Variants in ZFR2 observed in about 807,000 individuals in gnomAD.
ZFR2 encodes zinc finger RNA binding protein 2, also known as zinc finger RNA-binding protein 2.
In ZFR2, 104 loss-of-function variants were observed where a neutral mutation model predicts 105.7. The ratio of observed to expected loss-of-function variants is 0.98; its 90% confidence interval spans 0.84 to 1.16. The LOEUF (loss-of-function observed/expected upper bound fraction) is 1.16, where lower values mean the gene tolerates loss of function less well. Ranked by LOEUF, ZFR2 falls within the 50% of genes most tolerant of loss-of-function variation. The pLI is 0.00. For synonymous variants in ZFR2, 634 were observed against 597.7 expected, an observed-to-expected ratio of 1.06 and a Z score of -0.89; for missense variants, 1,425 against 1,355.5, an observed-to-expected ratio of 1.05 and a Z score of -0.80.
intron 16 of ZFR2, 108 bp from the exon 17 acceptor site, chr19:3,809,091 C>G: frequency 1.3e-6 from 1 of 793,516 alleles, no homozygotes. Flanking sequence ...AGCTCTTTCT[C>G]TAACTCCCAC....
intron 3 of ZFR2, among the ~76,000 whole-genome samples, chr19:3,832,790 C>T (rs199931111): frequency 6.6e-6 from 1 of 151,994 alleles, no homozygotes; most frequent in East Asian, 1.9e-4. Flanking sequence ...TGCACACCAC[C>T]ATGCCTGGCT....
intron 6 of ZFR2, among the ~76,000 whole-genome samples, chr19:3,826,007 A>G (rs903380228): frequency 6.6e-6 from 1 of 152,036 alleles, no homozygotes; most frequent in African/African-American, 2.4e-5. Context: ...GTACCCTGGT[A>G]CAAGACCTGC....
In ZFR2 at chr19:3,810,819, G is replaced by A. The variant is rs937215541; in HGVS notation, c.2364C>T (p.Cys788=). 8.4e-6 allele frequency: 13 copies of A among 1,550,280 alleles called. No individual in the cohort carries two copies. The highest frequency in any genetic ancestry group is 1.7e-4 in the Middle Eastern group (1 of 6,008). The part of the protein sequence containing the change: ...FQARASGLQP[C]VIVIRVLRDL... The stretch of plus-strand genomic sequence containing the variant: ...CCCTCAGGACCCTGATGACGATCAC[G>A]CATGGCTGCAGGCCGCTGGCTCGAG... The change falls in exon 16 of 19, where the codon TGC becomes TGT. Residue 788 remains cysteine, a synonymous_variant. Transcript: ENST00000262961.
intron 1 of ZFR2, chr19:3,855,587 G>T: frequency 1.8e-6 from 1 of 560,180 alleles, no homozygotes; most frequent in Non-Finnish European, 2.7e-6. Context: ...GAGACACGGG[G>T]TCAGCAAAAT....
intron 18 of ZFR2, 101 bp from the exon 19 acceptor site, chr19:3,806,226 A>T: frequency 7.8e-7 from 1 of 1,279,428 alleles, no homozygotes; most frequent in Non-Finnish European, 1.0e-6. Context: ...CAGATGGGCC[A>T]GGCCTATCCT....
Position 3,806,052 on chromosome 19 carries a change from C to G in ZFR2, c.2717G>C (p.Arg906Pro), listed in dbSNP as rs751361098. 2.0e-6 allele frequency: 3 copies of G among 1,536,222 alleles called. No homozygotes were observed. Among genetic ancestry groups the G allele is most frequent in the Admixed American group, 2.0e-5 (1 of 50,088 alleles). Residue 906 changes from arginine to proline, a missense_variant, in exon 19 of 19, where the codon CGG (arginine) becomes CCG (proline). Coordinates refer to ENST00000262961, the MANE Select transcript of ZFR2 (RefSeq NM_015174.2). Reference protein sequence around the residue: ...LGMDLLPPRHRLGARFRKRQR... With the variant: ...LGMDLLPPRHPLGARFRKRQR... ...CCTCTTCCGGAAGCGGGCCCCCAGCCGGTGTCTGGGCGGCAGGAGATCCAT... is the reference window on the plus strand; with the variant it reads ...CCTCTTCCGGAAGCGGGCCCCCAGCGGGTGTCTGGGCGGCAGGAGATCCAT...
intron 17 of ZFR2, among the ~76,000 whole-genome samples, chr19:3,808,423 G>A (rs1260546234): frequency 3.9e-5 from 6 of 152,358 alleles, no homozygotes; most frequent in South Asian, 2.1e-4. Flanking sequence ...GTGTCCTGGC[G>A]CGTTCTCTTC....
In ZFR2 at chr19:3,813,059, A is replaced by C. The variant is rs1441281382; in HGVS notation, c.2242+761T>G. The stretch of plus-strand genomic sequence containing the variant: ...TGCGCCATTGCACTCCAGCCTGGGC[A>C]ACAGAGCGAGACTCTGTCTCAAAAA... On this transcript the variant is annotated intron_variant, in intron 14 of 18. Coordinates refer to ENST00000262961, the MANE Select transcript of ZFR2 (RefSeq NM_015174.2). The surrounding 1 kb of genome is among the most constrained non-coding windows in gnomAD (Gnocchi z 4.4). Among the ~76,000 whole-genome samples the C allele has an allele frequency of 6.6e-6, 1 of 152,222 alleles. No homozygotes were observed. Among genetic ancestry groups the C allele is most frequent in the Admixed American group, 6.5e-5 (1 of 15,274 alleles).
rs2038063514 is a variant in ZFR2, at chr19:3,834,923, A to C, written c.114T>G (p.Thr38=). ...GGTTCACGGCAGGGTCCATCCCAGG[A>C]GTGGGTTGTGCAGTATAGCTGGCCC... ...TVGASYTAQP[T]PGMDPAVNPA... Residue 38 remains threonine, a synonymous_variant, in exon 2 of 19, where the codon ACT becomes ACG. Transcript: ENST00000262961. This position sits in a 1 kb window ranked among gnomAD's most constrained non-coding sequence, Gnocchi z 5.3. The C allele has an allele frequency of 6.2e-7, 1 of 1,611,822 alleles. No individual in the cohort carries two copies. The highest frequency in any genetic ancestry group is 1.1e-5 in the South Asian group (1 of 90,654).
intron 8 of ZFR2, among the ~76,000 whole-genome samples, chr19:3,822,531 C>A (rs953094752): frequency 5.9e-5 from 9 of 151,496 alleles, no homozygotes; most frequent in Non-Finnish European, 1.3e-4. Context: ...CATAGCGAGA[C>A]CCCCATCTCT....
At chr19:3,810,979 AAC>A in intron 15 of ZFR2, 134 bp from the exon 16 acceptor site, 1 of 1,007,952 alleles carries the variant, frequency 9.9e-7, no homozygotes, top group Non-Finnish European at 1.4e-6. Flanking sequence ...GGCGGGTGGA[AAC>A]AGAGTCCACT....
chr19:3,832,331 T>A (rs963946271), intron 3 of ZFR2, among the ~76,000 whole-genome samples: 24 of 151,906 alleles, frequency 1.6e-4, no homozygotes, highest in African/African-American at 3.1e-4. Flanking sequence ...ATTATTATTT[T>A]TTTTTTTTTG....
In ZFR2 at chr19:3,808,360, A is replaced by T. The variant is rs974318488; in HGVS notation, c.2545+512T>A. Among the ~76,000 whole-genome samples the T allele has an allele frequency of 2.6e-4, 39 of 152,256 alleles. 1 individual carries two copies. Among genetic ancestry groups the T allele is most frequent in the African/African-American group, 9.4e-4 (39 of 41,462 alleles). On this transcript the variant is annotated intron_variant, in intron 17 of 18. Coordinates refer to ENST00000262961, the MANE Select transcript of ZFR2 (RefSeq NM_015174.2). ...CACTTGCTATCATCCTATGTCACTA[A>T]AAATGACTCGAAAACACCCTTTTCC... is the stretch of plus-strand genomic sequence containing the variant.
chr19:3,831,920 C>A (rs1383224155), intron 3 of ZFR2, 42 bp from the exon 4 acceptor site: 4 of 1,457,668 alleles, frequency 2.7e-6, no homozygotes, highest in African/African-American at 1.4e-5. Context: ...CAACCCCCAC[C>A]CCACTGTCCC....
chr19:3,862,885 G>A (rs946076417), intron 1 of ZFR2, among the ~76,000 whole-genome samples: 4 of 152,170 alleles, frequency 2.6e-5, no homozygotes, highest in Admixed American at 1.3e-4. Flanking sequence ...CTCCAGGGTC[G>A]TGCTCCCTGG....
At chr19:3,832,005 C>T (rs2038022480) in intron 3 of ZFR2, 127 bp from the exon 4 acceptor site, 1 of 769,240 alleles carries the variant, frequency 1.3e-6, no homozygotes, top group Admixed American at 3.5e-5. Flanking sequence ...AGGCCAGAGC[C>T]TTGGGCCAGG....
chr19:3,825,304 G>A lies in ZFR2; in HGVS notation c.1139C>T (p.Thr380Ile), dbSNP rs2037936532. 2 of 1,580,604 alleles carry A rather than the reference G, an allele frequency of 1.3e-6. No individual in the cohort carries two copies. The highest frequency in any genetic ancestry group is 2.3e-5 in the East Asian group (1 of 43,898). ...GCTCGAGGCACACACGCTGGGGCCA[G>A]TGGGGGACGTGGGCTTGGCCTCTGC... ...PGAEAKPTSP[T>I]GPSVCASSRP... Residue 380 changes from threonine (T) to isoleucine (I), a missense_variant, in exon 7 of 19, where the codon ACT becomes ATT. Physicochemically the swap from Thr to Ile is moderately conservative, Grantham distance 89. Transcript: ENST00000262961.
chr19:3,827,391 A>G, intron 6 of ZFR2, 80 bp downstream of exon 6: 1 of 1,423,362 alleles, frequency 7.0e-7, no homozygotes, highest in Non-Finnish European at 9.2e-7. Flanking sequence ...TGATCTCCCC[A>G]GGTACCTCTG....
chr19:3,831,079 GCA>G (rs1197575290), intron 5 of ZFR2, among the ~76,000 whole-genome samples: 3 of 150,928 alleles, frequency 2.0e-5, no homozygotes, highest in South Asian at 4.2e-4. Context: ...ACACACATAT[GCA>G]CACATATACA....
Sources: gnomAD v4.1 joint callset for allele counts (sites outside exome capture counted in the v4.1 genomes callset) on GRCh38, gnomAD v4.1.1 for gene constraint, Gnocchi (gnomAD v3.1) non-coding constraint, MANE v1.5 for transcripts, NCBI Gene and HGNC (gene_info 2026-07-23, HGNC 2026-07-21) for gene names.